PHACTR1: variants seen among roughly 807,000 people sequenced by gnomAD.
PHACTR1 encodes phosphatase and actin regulator 1.
PHACTR1 carries 16 observed loss-of-function variants against 69.2 expected under a neutral mutation model. The observed-to-expected ratio is 0.23, with a 90% confidence interval of 0.16 to 0.35. The LOEUF is 0.35. Among genes scored for constraint, PHACTR1 ranks in the 10% least tolerant of loss-of-function variants. The pLI is 1.00. For missense variants in PHACTR1, 510 were observed against 734.7 expected, an observed-to-expected ratio of 0.69 and a Z score of 3.54; for synonymous variants, 312 against 284.5, an observed-to-expected ratio of 1.10 and a Z score of -0.97.
At chr6:12,719,918 G>T (rs1761888977) in intron 3 of PHACTR1, among the ~76,000 whole-genome samples, 1 of 152,226 alleles carries the variant, frequency 6.6e-6, no homozygotes. Flanking sequence ...GTCAAGAGGG[G>T]TTGGAAATGG....
chr6:12,879,289 C>G (rs527372713), intron 4 of PHACTR1, among the ~76,000 whole-genome samples: 2 of 152,316 alleles, frequency 1.3e-5, no homozygotes, highest in Admixed American at 1.3e-4. Context: ...ATGGGTCTGT[C>G]TTGCCCAGTT....
At chr6:12,851,036 A>G (rs1779774053) in intron 4 of PHACTR1, among the ~76,000 whole-genome samples, 1 of 152,228 alleles carries the variant, frequency 6.6e-6, no homozygotes, top group African/African-American at 2.4e-5. Context: ...ACACCTATGT[A>G]GTATATCTAA....
chr6:12,801,771 A>G (rs1357065086), intron 4 of PHACTR1, among the ~76,000 whole-genome samples: 1 of 152,228 alleles, frequency 6.6e-6, no homozygotes, highest in Non-Finnish European at 1.5e-5. Flanking sequence ...AGAATTATTT[A>G]ATATAGCTTT....
intron 8 of PHACTR1, among the ~76,000 whole-genome samples, chr6:13,226,219 T>C (rs566951900): frequency 4.6e-4 from 70 of 152,354 alleles, no homozygotes; most frequent in African/African-American, 1.5e-3. Flanking sequence ...TTTTTCCATT[T>C]GTGTCACTGA....
At chr6:13,277,487 C>G (rs1211948910) in intron 11 of PHACTR1, among the ~76,000 whole-genome samples, 1 of 152,166 alleles carries the variant, frequency 6.6e-6, no homozygotes, top group Non-Finnish European at 1.5e-5. Flanking sequence ...TGAGGGCAGT[C>G]TTCTGCTCTC....
chr6:13,242,546 T>C (rs1407029321), intron 10 of PHACTR1, among the ~76,000 whole-genome samples: 4 of 152,182 alleles, frequency 2.6e-5, no homozygotes, highest in Non-Finnish European at 5.9e-5. Context: ...GGGGTCTGTC[T>C]TGGGGCGAGT....
At chr6:12,829,929 G>A (rs1274854525) in intron 4 of PHACTR1, among the ~76,000 whole-genome samples, 1 of 147,642 alleles carries the variant, frequency 6.8e-6, no homozygotes, top group Non-Finnish European at 1.5e-5. Context: ...CTGCTCTCCA[G>A]TCTGGGAAAC....
intron 10 of PHACTR1, among the ~76,000 whole-genome samples, chr6:13,252,614 T>C (rs1018100259): frequency 7.2e-6 from 1 of 139,652 alleles, no homozygotes; most frequent in East Asian, 2.1e-4. Flanking sequence ...GCTGCTGTTA[T>C]TAAAAAAAAA....
At chr6:12,721,155 G>T (rs566190922) in intron 3 of PHACTR1, among the ~76,000 whole-genome samples, 1 of 152,330 alleles carries the variant, frequency 6.6e-6, no homozygotes, top group South Asian at 2.1e-4. Context: ...GGAAGCCGAG[G>T]CGGGTGGATC....
chr6:12,741,768 CA>C (rs70987094), intron 3 of PHACTR1, among the ~76,000 whole-genome samples: 89 of 143,446 alleles, frequency 6.2e-4, no homozygotes, highest in East Asian at 3.5e-3. Context: ...TGTCAAACTC[CA>C]AAAAAAAAAA....
intron 4 of PHACTR1, among the ~76,000 whole-genome samples, chr6:12,909,326 T>G (rs1193491987): frequency 6.6e-6 from 1 of 152,220 alleles, no homozygotes; most frequent in African/African-American, 2.4e-5. Flanking sequence ...ACGATGTCAC[T>G]ATTTACATTG....
At chr6:13,154,970 T>C (rs1399175446) in intron 5 of PHACTR1, among the ~76,000 whole-genome samples, 1 of 152,190 alleles carries the variant, frequency 6.6e-6, no homozygotes, top group Admixed American at 6.5e-5. Flanking sequence ...CATTTCCCGC[T>C]GTGTTTTACG....
rs918302226 is a variant in PHACTR1 at position 13,245,383 on chromosome 6, A to G, written c.1391+15190A>G. 5.3e-5 allele frequency among the ~76,000 whole-genome samples: 8 copies of G among 152,114 alleles called. No individual in the cohort carries two copies. Among genetic ancestry groups the G allele is most frequent in the Admixed American group, 1.3e-4 (2 of 15,266 alleles). ...TAATAGACATTCTGACTGGTGTGAGATGATATGTGGTTTTGATTTGCATTT... is the reference window on the plus strand; with the variant it reads ...TAATAGACATTCTGACTGGTGTGAGGTGATATGTGGTTTTGATTTGCATTT... On this transcript the variant is annotated intron_variant, in intron 10 of 14. Transcript: ENST00000332995. The surrounding 1 kb of genome is among the most constrained non-coding windows in gnomAD (Gnocchi z 4.1).
At chr6:13,048,183 G>A (rs755281790) in intron 4 of PHACTR1, among the ~76,000 whole-genome samples, 11 of 152,188 alleles carry the variant, frequency 7.2e-5, no homozygotes, top group Non-Finnish European at 1.5e-4. Context: ...GACCCCAGGA[G>A]TTTGCTTGCC....
chr6:13,222,806 T>C (rs1342881470), intron 8 of PHACTR1, among the ~76,000 whole-genome samples: 1 of 152,204 alleles, frequency 6.6e-6, no homozygotes, highest in Admixed American at 6.5e-5. Context: ...CTAAGTGTAC[T>C]ACAATGCACA....
At chr6:13,143,350 A>G (rs1036444331) in intron 5 of PHACTR1, among the ~76,000 whole-genome samples, 2 of 152,228 alleles carry the variant, frequency 1.3e-5, no homozygotes, top group Non-Finnish European at 1.5e-5. Flanking sequence ...CTCTGATGTG[A>G]TCATTACACA....
chr6:13,035,628 C>G (rs1431273573), intron 4 of PHACTR1, among the ~76,000 whole-genome samples: 1 of 152,114 alleles, frequency 6.6e-6, no homozygotes, highest in Non-Finnish European at 1.5e-5. Flanking sequence ...TTAACCATGT[C>G]CACGAACTGT....
At chr6:12,964,579 A>G (rs1793194256) in intron 4 of PHACTR1, among the ~76,000 whole-genome samples, 1 of 152,160 alleles carries the variant, frequency 6.6e-6, no homozygotes, top group Admixed American at 6.5e-5. Context: ...ACGAGAGGGT[A>G]GAGAGAAAGG....
chr6:12,856,177 T>G (rs1159110022), intron 4 of PHACTR1, among the ~76,000 whole-genome samples: 1 of 152,164 alleles, frequency 6.6e-6, no homozygotes, highest in Admixed American at 6.5e-5. Context: ...TTCAACTCAT[T>G]AAGTCACTGT....
Sources: allele counts gnomAD v4.1 joint callset (sites outside exome capture counted in the v4.1 genomes callset), GRCh38; gene constraint gnomAD v4.1.1; non-coding constraint Gnocchi (gnomAD v3.1); transcripts MANE v1.5; gene names NCBI Gene and HGNC (gene_info 2026-07-23, HGNC 2026-07-21).